Variants in PRKCA observed in about 807,000 individuals in gnomAD.
The protein encoded by PRKCA is protein kinase C alpha.
Under a neutral mutation model 87.0 loss-of-function variants are expected in PRKCA, and 27 were observed. That is an observed-to-expected ratio of 0.31 (90% CI 0.23 to 0.43). PRKCA has a LOEUF of 0.43. Among genes scored for constraint, PRKCA ranks in the 20% least tolerant of loss-of-function variants. PRKCA has a pLI of 1.00. For missense variants in PRKCA, 518 were observed against 852.3 expected (o/e 0.61, Z 4.88); for synonymous variants, 329 against 311.1 (o/e 1.06, Z -0.61).
intron 10 of PRKCA, among the ~76,000 whole-genome samples, chr17:66,737,473 C>G (rs1161765847): frequency 6.6e-6 from 1 of 152,226 alleles, no homozygotes; most frequent in African/African-American, 2.4e-5. Flanking sequence ...ACTCCATAAT[C>G]AGTAGCTGTA....
chr17:66,534,434 G>A (rs1311635595), intron 3 of PRKCA, among the ~76,000 whole-genome samples: 1 of 152,096 alleles, frequency 6.6e-6, no homozygotes, highest in African/African-American at 2.4e-5. Context: ...TTGGGAGGCC[G>A]AGGTGGGCGG....
At chr17:66,706,238 G>A (rs1280176111) in intron 8 of PRKCA, among the ~76,000 whole-genome samples, 1 of 152,118 alleles carries the variant, frequency 6.6e-6, no homozygotes, top group Admixed American at 6.6e-5. Context: ...AGACAGCAAG[G>A]ATAGACTTCA....
intron 3 of PRKCA, among the ~76,000 whole-genome samples, chr17:66,557,796 T>C (rs757380307): frequency 6.6e-6 from 1 of 152,172 alleles, no homozygotes; most frequent in African/African-American, 2.4e-5. Context: ...AGTGGTAAAA[T>C]CCATCTGGGC....
In PRKCA at chr17:66,804,280, T is replaced by A; in HGVS notation, c.*243T>A. On this transcript the variant is annotated 3_prime_UTR_variant, in exon 17 of 17. Transcript: ENST00000413366. Reference sequence around the variant, plus strand: ...AGTGTCCAGTTTAATTCTGTAGAAGTTACGTCTGGCTCTAGGTTAACCCTT... The same window carrying A: ...AGTGTCCAGTTTAATTCTGTAGAAGATACGTCTGGCTCTAGGTTAACCCTT... 1 of 449,320 alleles carries A rather than the reference T, an allele frequency of 2.2e-6. No individual in the cohort carries two copies. Among genetic ancestry groups the A allele is most frequent in the South Asian group, 5.7e-5 (1 of 17,604 alleles). 27.8% of individuals were successfully genotyped at this position (449,320 alleles called of 1,614,324 possible).
chr17:66,647,924 T>C (rs1438394750), intron 5 of PRKCA, among the ~76,000 whole-genome samples: 4 of 151,846 alleles, frequency 2.6e-5, no homozygotes, highest in Non-Finnish European at 5.9e-5. Context: ...GCAAGTTTAA[T>C]TAATAATAAT....
chr17:66,367,170 G>C (rs969621089), intron 2 of PRKCA, among the ~76,000 whole-genome samples: 1 of 152,216 alleles, frequency 6.6e-6, no homozygotes, highest in Non-Finnish European at 1.5e-5. Flanking sequence ...CAGGACCATG[G>C]TGAGTTCACA....
chr17:66,388,790 G>A (rs1024006079), intron 2 of PRKCA, among the ~76,000 whole-genome samples: 33 of 152,314 alleles, frequency 2.2e-4, no homozygotes, highest in African/African-American at 7.0e-4. Context: ...ACCCAGGGTC[G>A]TGGAGAGACG....
chr17:66,458,101 A>G (rs1914654519), intron 2 of PRKCA, among the ~76,000 whole-genome samples: 1 of 152,224 alleles, frequency 6.6e-6, no homozygotes, highest in African/African-American at 2.4e-5. Context: ...GCAGTTTCCC[A>G]AACTAGGCAG....
intron 16 of PRKCA, among the ~76,000 whole-genome samples, chr17:66,798,414 TGGTGGTGGTGGTGGTGGTGAC>T (rs1173939421): frequency 4.7e-5 from 5 of 106,162 alleles, no homozygotes; most frequent in East Asian, 3.0e-4. Context: ...GTGATGGTGA[TGGTGGTGGTGGTGGTGGTGAC>T]GGTGGTGGTG....
At chr17:66,787,035 T>C (rs780426573) in intron 15 of PRKCA, 61 bp downstream of exon 15, 1 of 1,193,792 alleles carries the variant, frequency 8.4e-7, no homozygotes, top group East Asian at 2.3e-5. Context: ...GAGAAATACT[T>C]TCCCCACACT....
In PRKCA at chr17:66,774,418, C is replaced by T. The variant is rs529060418; in HGVS notation, c.1605+351C>T. 84 of 988,934 alleles carry T rather than the reference C, an allele frequency of 8.5e-5. 1 individual carries two copies. The Middle Eastern group carries it at 1.4e-3, about 17-fold the overall frequency. The allele number at this position is 988,934 out of a possible 1,614,324, so 61.3% of individuals were successfully genotyped here. ...GGCGGATCGCCTGAGGTCAGGAGTT[C>T]GAGACCACCCTGGCCAACATGGCGA... is the stretch of plus-strand genomic sequence containing the variant. On this transcript the variant is annotated intron_variant, in intron 14 of 16. Coordinates refer to ENST00000413366, the MANE Select transcript of PRKCA (RefSeq NM_002737.3).
At chr17:66,634,129 G>A (rs1197000391) in intron 3 of PRKCA, among the ~76,000 whole-genome samples, 2 of 152,230 alleles carry the variant, frequency 1.3e-5, no homozygotes, top group African/African-American at 4.8e-5. Flanking sequence ...GACTAATTAA[G>A]TTGCTACATT....
At chr17:66,320,575 G>T (rs1359435600) in intron 2 of PRKCA, among the ~76,000 whole-genome samples, 1 of 152,096 alleles carries the variant, frequency 6.6e-6, no homozygotes, top group Non-Finnish European at 1.5e-5. Flanking sequence ...ACAACATAAA[G>T]AACTCGTATT....
At chr17:66,410,456 T>A (rs1004959998) in intron 2 of PRKCA, among the ~76,000 whole-genome samples, 29 of 152,196 alleles carry the variant, frequency 1.9e-4, no homozygotes, top group Admixed American at 1.9e-3. Flanking sequence ...AACTGCTAAA[T>A]AAACACTTCA....
chr17:66,706,778 C>T (rs1487347658), intron 8 of PRKCA, among the ~76,000 whole-genome samples: 5 of 152,144 alleles, frequency 3.3e-5, no homozygotes, highest in Non-Finnish European at 7.3e-5. Flanking sequence ...TTCATTCATT[C>T]GTGTGTTGTC....
intron 2 of PRKCA, among the ~76,000 whole-genome samples, chr17:66,493,177 G>T (rs1256274516): frequency 1.3e-5 from 2 of 151,960 alleles, no homozygotes; most frequent in African/African-American, 4.8e-5. Flanking sequence ...ATTATATTAT[G>T]ATTACCTTAA....
At chr17:66,446,895 T>C (rs1426061012) in intron 2 of PRKCA, among the ~76,000 whole-genome samples, 1 of 152,178 alleles carries the variant, frequency 6.6e-6, no homozygotes, top group Non-Finnish European at 1.5e-5. Flanking sequence ...GCAGTTATTT[T>C]CTTGCACTGA....
At chr17:66,464,847 C>G (rs1040473345) in intron 2 of PRKCA, among the ~76,000 whole-genome samples, 2 of 152,144 alleles carry the variant, frequency 1.3e-5, no homozygotes, top group African/African-American at 2.4e-5. Flanking sequence ...TTTTGCAGAG[C>G]AGAAGTTTTT....
At chr17:66,508,961 GGA>G (rs1433923182) in intron 3 of PRKCA, among the ~76,000 whole-genome samples, 2 of 152,146 alleles carry the variant, frequency 1.3e-5, no homozygotes, top group Admixed American at 1.3e-4. Flanking sequence ...TGCTGGCCAG[GGA>G]GTCCTAAGGT....
Sources: gnomAD v4.1 joint callset for allele counts (sites outside exome capture counted in the v4.1 genomes callset) on GRCh38, gnomAD v4.1.1 for gene constraint, MANE v1.5 for transcripts, NCBI Gene and HGNC (gene_info 2026-07-23, HGNC 2026-07-21) for gene names.